ZMYM2: variants seen among roughly 807,000 people sequenced by gnomAD.
ZMYM2 encodes the protein zinc finger MYM-type containing 2, also known as zinc finger MYM-type protein 2.
Under a neutral mutation model 162.8 loss-of-function variants are expected in ZMYM2, and 56 were observed. That is an observed-to-expected ratio of 0.34 (90% confidence interval 0.28 to 0.43). The LOEUF (loss-of-function observed/expected upper bound fraction) is 0.43, where lower values mean the gene tolerates loss of function less well. ZMYM2 is among the 20% of genes least tolerant of loss of function. The pLI, the probability that ZMYM2 is intolerant of heterozygous loss-of-function variation, is 1.00. For missense variants in ZMYM2, 1,275 were observed against 1,621.8 expected (o/e 0.79, Z 3.67); for synonymous variants, 510 against 541.6 (o/e 0.94, Z 0.81).
the ZMYM2 span, among the ~76,000 whole-genome samples, chr13:19,939,094 GC>G: frequency 6.7e-6 from 1 of 149,460 alleles, no homozygotes; most frequent in South Asian, 2.1e-4. Context: ...CGTGATCTCG[GC>G]TCACTGCAAC....
At chr13:19,883,399 A>G in the ZMYM2 span, among the ~76,000 whole-genome samples, 1 of 152,226 alleles carries the variant, frequency 6.6e-6, no homozygotes, top group Non-Finnish European at 1.5e-5. Context: ...ATTTTATGTG[A>G]ATTTCACCTT....
the ZMYM2 span, among the ~76,000 whole-genome samples, chr13:19,939,190 A>G: frequency 6.6e-6 from 1 of 151,334 alleles, no homozygotes; most frequent in African/African-American, 2.4e-5. Context: ...CGCCCAGCTA[A>G]TTTTTGTATT....
chr13:19,936,546 A>C, the ZMYM2 span, among the ~76,000 whole-genome samples: 2 of 151,854 alleles, frequency 1.3e-5, no homozygotes. Flanking sequence ...ACATGGCGAA[A>C]CCCTGTCTCT....
At chr13:20,003,469 G>A (rs1456445638) in intron 4 of ZMYM2, among the ~76,000 whole-genome samples, 2 of 152,122 alleles carry the variant, frequency 1.3e-5, no homozygotes, top group Admixed American at 6.5e-5. Flanking sequence ...ATTTTACCCT[G>A]TCTTCAGATC....
chr13:19,870,577 T>TC, the ZMYM2 span, among the ~76,000 whole-genome samples: 34 of 141,428 alleles, frequency 2.4e-4, no homozygotes, highest in African/African-American at 8.7e-4. Flanking sequence ...CTTCCTTCTT[T>TC]CCTTTCCTTC....
the ZMYM2 span, among the ~76,000 whole-genome samples, chr13:19,886,816 A>AT: frequency 1.1e-4 from 17 of 149,284 alleles, no homozygotes; most frequent in South Asian, 6.5e-4. Flanking sequence ...TGCCCGGTTA[A>AT]TTTTTTTTTT....
chr13:20,004,209 A>G (rs565724698), intron 4 of ZMYM2, among the ~76,000 whole-genome samples: 1 of 152,278 alleles, frequency 6.6e-6, no homozygotes, highest in South Asian at 2.1e-4. Flanking sequence ...CTTGAAAATC[A>G]GAATAAAAGG....
intron 2 of ZMYM2, among the ~76,000 whole-genome samples, chr13:19,978,895 C>G (rs568396931): frequency 3.7e-4 from 56 of 152,266 alleles, no homozygotes; most frequent in South Asian, 2.1e-3. Flanking sequence ...TGGAAGAACT[C>G]TCTTCAGCAT....
chr13:19,928,111 T>C, the ZMYM2 span, among the ~76,000 whole-genome samples: 3 of 152,240 alleles, frequency 2.0e-5, no homozygotes, highest in African/African-American at 2.4e-5. Context: ...GCTCAAGCCA[T>C]CCTCCCACCT....
the ZMYM2 span, among the ~76,000 whole-genome samples, chr13:19,953,598 T>C: frequency 6.9e-6 from 1 of 144,318 alleles, no homozygotes; most frequent in Non-Finnish European, 1.5e-5. Context: ...GCAGAAGAAT[T>C]GCTTAAATCC....
chr13:20,065,558 C>G (rs1351036693), intron 19 of ZMYM2, among the ~76,000 whole-genome samples: 1 of 152,152 alleles, frequency 6.6e-6, no homozygotes, highest in Non-Finnish European at 1.5e-5. Context: ...ACTTACAGCA[C>G]TCAGGAAGGC....
At chr13:19,870,579 CT>C in the ZMYM2 span, among the ~76,000 whole-genome samples, 173 of 110,642 alleles carry the variant, frequency 1.6e-3, 1 homozygote, top group African/African-American at 6.4e-3. Context: ...TCCTTCTTTC[CT>C]TTCCTTCCTT....
At chr13:19,962,236 G>A (rs1239751335) in intron 2 of ZMYM2, among the ~76,000 whole-genome samples, 2 of 152,032 alleles carry the variant, frequency 1.3e-5, no homozygotes, top group African/African-American at 2.4e-5. Context: ...TTGAGGTACA[G>A]AAGTGTACAA....
At chr13:19,896,653 A>T in the ZMYM2 span, among the ~76,000 whole-genome samples, 2 of 149,378 alleles carry the variant, frequency 1.3e-5, no homozygotes, top group Admixed American at 1.3e-4. Context: ...GCTACTCAGG[A>T]GGCTGAGGCA....
At position 19,958,732 on chromosome 13, in the gene ZMYM2, C is replaced by G. The variant is rs1049542746; in HGVS notation, c.-189C>G. ...GCCGCCGCCTCCTCCGCCTCCTCCT[C>G]CTCACCAGCGCTAAAGCCGGGACTG... On this transcript the variant is annotated 5_prime_UTR_variant, in exon 1 of 25. Coordinates refer to ENST00000610343, the MANE Select transcript of ZMYM2 (RefSeq NM_197968.4). 1.3e-5 allele frequency: 2 copies of G among 153,814 alleles called. No homozygotes were observed. Among genetic ancestry groups the G allele is most frequent in the African/African-American group, 4.8e-5 (2 of 41,348 alleles). The allele number at this position is 153,814 out of a possible 1,614,324, so 9.5% of individuals were successfully genotyped here.
At chr13:19,915,413 CT>C in the ZMYM2 span, among the ~76,000 whole-genome samples, 1 of 147,138 alleles carries the variant, frequency 6.8e-6, no homozygotes, top group African/African-American at 2.6e-5. Context: ...TGCTTGCTTG[CT>C]TTTTCTTTCT....
chr13:19,975,192 A>G (rs1035862683), intron 2 of ZMYM2, among the ~76,000 whole-genome samples: 1 of 140,356 alleles, frequency 7.1e-6, no homozygotes, highest in Non-Finnish European at 1.6e-5. Context: ...AAAAAAAAAA[A>G]GTATAGTAAC....
chr13:20,046,703 A>G (rs540964275), intron 12 of ZMYM2, among the ~76,000 whole-genome samples: 58 of 150,174 alleles, frequency 3.9e-4, no homozygotes, highest in Non-Finnish European at 7.8e-4. Context: ...GTGTGTGTGT[A>G]TATATATATT....
chr13:19,934,020 TA>T, the ZMYM2 span, among the ~76,000 whole-genome samples: 13 of 152,206 alleles, frequency 8.5e-5, no homozygotes, highest in Non-Finnish European at 1.8e-4. Flanking sequence ...CACCACATTT[TA>T]TTTTTTTATA....
Sources: allele counts gnomAD v4.1 joint callset (sites outside exome capture counted in the v4.1 genomes callset), GRCh38; gene constraint gnomAD v4.1.1; transcripts MANE v1.5; gene names NCBI Gene and HGNC (gene_info 2026-07-23, HGNC 2026-07-21).